CAMK1D: variants seen among roughly 807,000 people sequenced by gnomAD.
The protein encoded by CAMK1D is calcium/calmodulin-dependent protein kinase type 1D.
Under a neutral mutation model 47.7 loss-of-function variants are expected in CAMK1D, and 9 were observed. That is an observed-to-expected ratio of 0.19 (90% CI 0.11 to 0.33). The LOEUF (loss-of-function observed/expected upper bound fraction) is 0.33, where lower values mean the gene tolerates loss of function less well. Among genes scored for constraint, CAMK1D ranks in the 10% least tolerant of loss-of-function variants. The pLI is 1.00. For synonymous variants in CAMK1D, 184 were observed against 184.9 expected (o/e 0.99, Z 0.04); for missense variants, 291 against 488.7 (o/e 0.60, Z 3.81).
intron 1 of CAMK1D, among the ~76,000 whole-genome samples, chr10:12,472,985 G>C (rs1412220374): frequency 6.6e-6 from 1 of 152,162 alleles, no homozygotes; most frequent in African/African-American, 2.4e-5. Flanking sequence ...GCTCTGAGGT[G>C]GCCAGGATGA....
At chr10:12,420,887 G>A (rs574451889) in intron 1 of CAMK1D, among the ~76,000 whole-genome samples, 1 of 152,292 alleles carries the variant, frequency 6.6e-6, no homozygotes, top group South Asian at 2.1e-4. Context: ...ACAAGGGGGA[G>A]GTTGGCTGCT....
At chr10:12,559,528 C>G (rs1305781800) in intron 2 of CAMK1D, among the ~76,000 whole-genome samples, 1 of 152,084 alleles carries the variant, frequency 6.6e-6, no homozygotes, top group Non-Finnish European at 1.5e-5. Context: ...GGAGTGTGGG[C>G]AGATGTGTAC....
At chr10:12,769,841 G>C (rs367593011) in intron 5 of CAMK1D, 42 bp downstream of exon 5, 1 of 1,608,916 alleles carries the variant, frequency 6.2e-7, no homozygotes. Context: ...GTGTGTGTGT[G>C]ATGTCCTCAT....
At chr10:12,743,912 A>G (rs1291104189) in intron 3 of CAMK1D, among the ~76,000 whole-genome samples, 1 of 151,838 alleles carries the variant, frequency 6.6e-6, no homozygotes, top group African/African-American at 2.4e-5. Flanking sequence ...AATCCCAGCT[A>G]CTCCAGAGGC....
In CAMK1D at chr10:12,685,250, G is replaced by A. The variant is rs540053645; in HGVS notation, c.299+18440G>A. ...GGAGAGGCGGAGGTTGCAGTGAGCC[G>A]AGATCATGCCACTGCACTCCAGCCT... On this transcript the variant is annotated intron_variant, in intron 3 of 10. Transcript: ENST00000619168. 2.6e-3 allele frequency among the ~76,000 whole-genome samples: 399 copies of A among 152,312 alleles called. 1 individual carries two copies. The highest frequency in any genetic ancestry group is 9.3e-3 in the African/African-American group (385 of 41,568).
intron 5 of CAMK1D, among the ~76,000 whole-genome samples, chr10:12,783,042 G>C (rs1042526415): frequency 6.0e-5 from 9 of 148,804 alleles, no homozygotes; most frequent in South Asian, 2.1e-4. Flanking sequence ...GCCCAGGCTA[G>C]AGTGCAGTGG....
intron 1 of CAMK1D, among the ~76,000 whole-genome samples, chr10:12,384,074 AAAAG>A (rs1306330274): frequency 6.6e-6 from 1 of 152,264 alleles, no homozygotes; most frequent in African/African-American, 2.4e-5. Flanking sequence ...GAAAAATAAA[AAAAG>A]AAATTAAGAG....
intron 2 of CAMK1D, among the ~76,000 whole-genome samples, chr10:12,582,686 G>A (rs1193894830): frequency 2.0e-5 from 3 of 152,224 alleles, no homozygotes; most frequent in Admixed American, 2.0e-4. Context: ...CACTGTTGGT[G>A]TATAGCAGAG....
intron 2 of CAMK1D, among the ~76,000 whole-genome samples, chr10:12,610,302 G>A (rs1838582078): frequency 6.6e-6 from 1 of 152,152 alleles, no homozygotes; most frequent in Non-Finnish European, 1.5e-5. Flanking sequence ...CAGTTTGTAA[G>A]CTTTCTGTAT....
intron 3 of CAMK1D, among the ~76,000 whole-genome samples, chr10:12,714,749 G>C (rs186350799): frequency 2.8e-3 from 330 of 119,332 alleles, no homozygotes; most frequent in Non-Finnish European, 4.4e-3. Context: ...AATAAAAATA[G>C]GTACATTAAA....
At chr10:12,796,013 A>G (rs950044905) in intron 6 of CAMK1D, among the ~76,000 whole-genome samples, 1 of 152,256 alleles carries the variant, frequency 6.6e-6, no homozygotes, top group Non-Finnish European at 1.5e-5. Context: ...TTCTCAGTCA[A>G]GATGAACCTC....
chr10:12,798,178 TC>T (rs1185735608), intron 6 of CAMK1D, among the ~76,000 whole-genome samples: 35 of 152,320 alleles, frequency 2.3e-4, no homozygotes, highest in African/African-American at 8.2e-4. Context: ...ACATTTTACT[TC>T]CTGTGCTCTT....
intron 3 of CAMK1D, among the ~76,000 whole-genome samples, chr10:12,722,446 CA>C (rs55809900): frequency 0.018 from 878 of 48,536 alleles, 1 homozygote; most frequent in South Asian, 0.08. Context: ...GACTCCGCCT[CA>C]AAAAAAAAAA....
intron 1 of CAMK1D, among the ~76,000 whole-genome samples, chr10:12,355,859 G>C (rs1837496647): frequency 6.6e-6 from 1 of 152,154 alleles, no homozygotes; most frequent in Admixed American, 6.6e-5. Context: ...AAAATACAAG[G>C]GGCAAAGAAG....
At chr10:12,768,472 A>G (rs1836883034) in intron 4 of CAMK1D, among the ~76,000 whole-genome samples, 3 of 152,172 alleles carry the variant, frequency 2.0e-5, no homozygotes, top group African/African-American at 7.2e-5. Context: ...GGAGAGCTGG[A>G]TGGGAAATGC....
intron 1 of CAMK1D, among the ~76,000 whole-genome samples, chr10:12,363,101 C>T (rs1036198060): frequency 6.6e-6 from 1 of 151,522 alleles, no homozygotes; most frequent in African/African-American, 2.4e-5. Context: ...CCAGCACACC[C>T]AGCTAATTTT....
At chr10:12,415,964 T>G (rs114162794) in intron 1 of CAMK1D, 5 of 152,188 alleles carry the variant, frequency 3.3e-5, no homozygotes, top group African/African-American at 9.6e-5. Context: ...TGAGGTTGAT[T>G]ATTATTCCTT....
chr10:12,777,629 C>T (rs2130953752), intron 5 of CAMK1D, among the ~76,000 whole-genome samples: 1 of 152,232 alleles, frequency 6.6e-6, no homozygotes, highest in South Asian at 2.1e-4. Context: ...CTGTCTCGGC[C>T]TCCCAGAGTG....
At chr10:12,722,855 A>T (rs1834454406) in intron 3 of CAMK1D, among the ~76,000 whole-genome samples, 1 of 152,232 alleles carries the variant, frequency 6.6e-6, no homozygotes, top group Non-Finnish European at 1.5e-5. Context: ...TGAGAAGTAG[A>T]AGAGAGTAAA....
Sources: allele counts gnomAD v4.1 joint callset (sites outside exome capture counted in the v4.1 genomes callset), GRCh38; gene constraint gnomAD v4.1.1; transcripts MANE v1.5; gene names NCBI Gene and HGNC (gene_info 2026-07-23, HGNC 2026-07-21).